The following LRRC7 variants were observed in gnomAD, a reference collection of about 807,000 sequenced individuals.
The protein encoded by LRRC7 is leucine-rich repeat-containing protein 7.
Under a neutral mutation model 175.7 loss-of-function variants are expected in LRRC7, and 23 were observed. The observed-to-expected ratio is 0.13, with a 90% confidence interval of 0.09 to 0.19. LRRC7 has a LOEUF of 0.19. Among genes scored for constraint, LRRC7 ranks in the 10% least tolerant of loss-of-function variants. The probability of loss-of-function intolerance (pLI) is 1.00; values close to 1 mark genes in which losing one functional copy is unlikely to be tolerated. For missense variants in LRRC7, 1,354 were observed against 1,904.7 expected, an observed-to-expected ratio of 0.71 and a Z score of 5.38; for synonymous variants, 685 against 680.9, an observed-to-expected ratio of 1.01 and a Z score of -0.09.
chr1:69,627,245 G>T (rs1287727602), intron 1 of LRRC7, among the ~76,000 whole-genome samples: 2 of 152,104 alleles, frequency 1.3e-5, no homozygotes, highest in Admixed American at 6.6e-5. Context: ...GTTGTTTCCT[G>T]ACTTTTTAAT....
intron 1 of LRRC7, among the ~76,000 whole-genome samples, chr1:69,571,896 A>G (rs1227055818): frequency 6.6e-6 from 1 of 152,096 alleles, no homozygotes; most frequent in African/African-American, 2.4e-5. Context: ...TAGTTTTTTG[A>G]AAAAATTATT....
In LRRC7 at chr1:70,141,674, T is replaced by C. The variant is rs577411806; in HGVS notation, c.*19787T>C. 1 of 152,284 alleles carries C rather than the reference T, an allele frequency of 6.6e-6. No individual in the cohort carries two copies. Among genetic ancestry groups the C allele is most frequent in the South Asian group, 2.1e-4 (1 of 4,828 alleles). 9.4% of individuals were successfully genotyped at this position (152,284 alleles called of 1,614,324 possible). A position where few individuals can be genotyped will look rare whatever the true frequency, so the allele number is the denominator to read the frequency against. On this transcript the variant is annotated 3_prime_UTR_variant, in exon 27 of 27. Transcript: ENST00000651989. ...CTTTTTTGCTGGATCTTATAAAATA[T>C]GTGATACTTAAGTACACTGAAGTTT...
In LRRC7 at chr1:69,825,690, T is replaced by A. The variant is rs530174485; in HGVS notation, c.422-58T>A. ...AATAATTATCTAAATATTAGAACTA[T>A]AGTTTAAAGAATATTTGTTGGAACA... On this transcript the variant is annotated intron_variant, in intron 4 of 26. Coordinates refer to ENST00000651989, the MANE Select transcript of LRRC7 (RefSeq NM_001370785.2). The A allele has an allele frequency of 1.3e-5, 14 of 1,101,366 alleles. No homozygotes were observed. In the South Asian group the frequency reaches 1.3e-4, roughly 10 times the overall value. 68.2% of individuals were successfully genotyped at this position (1,101,366 alleles called of 1,614,324 possible).
chr1:70,047,468 T>A (rs2102050362), intron 22 of LRRC7, among the ~76,000 whole-genome samples: 1 of 152,234 alleles, frequency 6.6e-6, no homozygotes, highest in East Asian at 1.9e-4. Context: ...AGAAGAAACT[T>A]TTTTATATTT....
chr1:69,712,256 A>ACGTG (rs1664842156), intron 2 of LRRC7, among the ~76,000 whole-genome samples: 1 of 137,666 alleles, frequency 7.3e-6, no homozygotes, highest in Admixed American at 7.5e-5. Flanking sequence ...ACACACACAC[A>ACGTG]CACACGTGCA....
rs1331958371 is a variant in LRRC7 at position 70,143,166 on chromosome 1, GTCGCTATT to G, written c.*21281_*21288del. On this transcript the variant is annotated 3_prime_UTR_variant, in exon 27 of 27. Coordinates refer to ENST00000651989, the MANE Select transcript of LRRC7 (RefSeq NM_001370785.2). ...TTCCTAAGCAGTGATACAACTTTGG[GTCGCTATT>G]TTAGTAAAATGAAGAGTCTCTAGAC... 1 of 147,138 alleles carries G rather than the reference GTCGCTATT, an allele frequency of 6.8e-6. No homozygotes were observed. The highest frequency in any genetic ancestry group is 2.0e-4 in the East Asian group (1 of 5,032). 9.1% of individuals were successfully genotyped at this position (147,138 alleles called of 1,614,324 possible). A position where few individuals can be genotyped will look rare whatever the true frequency, so the allele number is the denominator to read the frequency against.
At position 70,135,165 on chromosome 1, in the gene LRRC7, G is replaced by A. The variant is rs374307959; in HGVS notation, c.*13278G>A. 1.3e-5 allele frequency among the ~76,000 whole-genome samples: 2 copies of A among 151,730 alleles called. No homozygotes were observed. The highest frequency in any genetic ancestry group is 1.3e-4 in the Admixed American group (2 of 15,210). ...CTCAGATTTTTGGTATCCACTATTA[G>A]CGAAGTATTTTTTTCTTTGTCTTCT... is the stretch of plus-strand genomic sequence containing the variant. On this transcript the variant is annotated 3_prime_UTR_variant, in exon 27 of 27. Coordinates refer to ENST00000651989, the MANE Select transcript of LRRC7 (RefSeq NM_001370785.2).
intron 1 of LRRC7, among the ~76,000 whole-genome samples, chr1:69,642,466 GATCT>G (rs1182144131): frequency 6.6e-6 from 1 of 151,976 alleles, no homozygotes; most frequent in Admixed American, 6.6e-5. Context: ...AAAGTAAGGA[GATCT>G]ATTATAGTAA....
intron 3 of LRRC7, among the ~76,000 whole-genome samples, chr1:69,772,642 T>G (rs1209106232): frequency 2.6e-5 from 4 of 152,078 alleles, no homozygotes; most frequent in Non-Finnish European, 5.9e-5. Flanking sequence ...GTTGTTCAGG[T>G]GAGAGGTTGG....
intron 3 of LRRC7, among the ~76,000 whole-genome samples, chr1:69,786,020 C>T (rs1674369002): frequency 6.6e-6 from 1 of 152,124 alleles, no homozygotes; most frequent in Non-Finnish European, 1.5e-5. Context: ...CCACCATTTG[C>T]AGGCTTGATT....
At chr1:69,995,570 T>C (rs909430434) in intron 11 of LRRC7, among the ~76,000 whole-genome samples, 3 of 109,668 alleles carry the variant, frequency 2.7e-5, no homozygotes, top group Non-Finnish European at 5.3e-5. Flanking sequence ...AACCCCACAA[T>C]GGTCCCCAGA....
chr1:70,044,040 T>G lies in LRRC7; in HGVS notation c.4056T>G (p.Thr1352=), dbSNP rs1226609799. Residue 1352 remains threonine, a synonymous_variant, in exon 22 of 27, where the codon ACT becomes ACG. Transcript: ENST00000651989. ...ISAMHAGRSM[T]LNLQTKSKFD... is the part of the protein sequence containing the mutation. ...CAATGCATGCAGGCAGAAGCATGAC[T>G]TTAAACTTGCAGACTAAGTCTAAAT... 1 of 1,613,596 alleles carries G rather than the reference T, an allele frequency of 6.2e-7. No homozygotes were observed. Among genetic ancestry groups the G allele is most frequent in the South Asian group, 1.1e-5 (1 of 91,064 alleles).
chr1:69,795,416 C>T (rs1266114849), intron 4 of LRRC7, among the ~76,000 whole-genome samples: 1 of 149,248 alleles, frequency 6.7e-6, no homozygotes, highest in African/African-American at 2.5e-5. Flanking sequence ...TGACAGAAAA[C>T]TAGACAGTTA....
chr1:69,914,099 G>C (rs148182309), intron 7 of LRRC7, among the ~76,000 whole-genome samples: 5 of 152,252 alleles, frequency 3.3e-5, no homozygotes, highest in South Asian at 2.1e-4. Context: ...AAGTTTTCCT[G>C]TCCTTGTGCC....
At chr1:69,640,241 G>C (rs1378326666) in intron 1 of LRRC7, among the ~76,000 whole-genome samples, 1 of 151,670 alleles carries the variant, frequency 6.6e-6, no homozygotes, top group African/African-American at 2.4e-5. Context: ...TTTTCCACAA[G>C]ATGAAATCTC....
intron 1 of LRRC7, among the ~76,000 whole-genome samples, chr1:69,602,268 A>G (rs754758446): frequency 7.9e-5 from 12 of 152,130 alleles, no homozygotes; most frequent in Admixed American, 2.6e-4. Context: ...ACACTTCCAT[A>G]GTCAACCGAC....
intron 4 of LRRC7, among the ~76,000 whole-genome samples, chr1:69,809,043 A>G (rs1408268565): frequency 2.0e-5 from 3 of 152,174 alleles, no homozygotes; most frequent in Non-Finnish European, 4.4e-5. Flanking sequence ...CTAATAAAGA[A>G]GAAAGAGAGA....
intron 23 of LRRC7, among the ~76,000 whole-genome samples, chr1:70,062,353 T>C (rs957276978): frequency 3.9e-5 from 6 of 152,170 alleles, no homozygotes; most frequent in Admixed American, 3.9e-4. Context: ...TCCTTTTACG[T>C]AACTTTGCCA....
At position 70,107,560 on chromosome 1, in the gene LRRC7, A is replaced by G. The variant is rs548793419; in HGVS notation, c.4546-192A>G. 3.9e-5 allele frequency among the ~76,000 whole-genome samples: 6 copies of G among 152,330 alleles called. No individual in the cohort carries two copies. The South Asian group carries it at 1.2e-3, about 32-fold the overall frequency. On this transcript the variant is annotated intron_variant, in intron 25 of 26. Coordinates refer to ENST00000651989, the MANE Select transcript of LRRC7 (RefSeq NM_001370785.2). ...ACAAGATAAGCTTCTTTTTGCAAGC[A>G]AAAATGTTGCTTCTCTTAAACTTGA...
Sources: gnomAD v4.1 joint callset for allele counts (sites outside exome capture counted in the v4.1 genomes callset) on GRCh38, gnomAD v4.1.1 for gene constraint, MANE v1.5 for transcripts, NCBI Gene and HGNC (gene_info 2026-07-23, HGNC 2026-07-21) for gene names.